LARGE1: variants seen among roughly 807,000 people sequenced by gnomAD.
The protein encoded by LARGE1 is xylosyl- and glucuronyltransferase LARGE1.
In LARGE1, 43 loss-of-function variants were observed where a neutral mutation model predicts 87.6. That is an observed-to-expected ratio of 0.49 (90% CI 0.38 to 0.63). LARGE1 has a LOEUF of 0.63. Ranked by LOEUF, LARGE1 falls within the 30% of genes least tolerant of loss-of-function variation. The pLI is 0.00. For synonymous variants in LARGE1, 434 were observed against 394.6 expected, an observed-to-expected ratio of 1.10 and a Z score of -1.18; for missense variants, 802 against 1,000.2, an observed-to-expected ratio of 0.80 and a Z score of 2.67.
intron 6 of LARGE1, among the ~76,000 whole-genome samples, chr22:33,492,823 C>T (rs2069913216): frequency 2.0e-5 from 3 of 152,108 alleles, no homozygotes; most frequent in Non-Finnish European, 4.4e-5. Flanking sequence ...TATGAAAGGA[C>T]GTCCTGTCCT....
chr22:33,305,349 G>T (rs1313265223), intron 11 of LARGE1, among the ~76,000 whole-genome samples: 2 of 131,494 alleles, frequency 1.5e-5, no homozygotes, highest in African/African-American at 3.4e-5. Context: ...TAGAGCCCAG[G>T]GAAAAAATTA....
chr22:33,550,404 G>C (rs1000954372), intron 6 of LARGE1, among the ~76,000 whole-genome samples: 1 of 152,268 alleles, frequency 6.6e-6, no homozygotes, highest in South Asian at 2.1e-4. Context: ...ATATTTTTGC[G>C]TGTCATAGCT....
chr22:33,540,906 G>A (rs958418041), intron 6 of LARGE1, among the ~76,000 whole-genome samples: 23 of 151,850 alleles, frequency 1.5e-4, no homozygotes, highest in African/African-American at 5.6e-4. Context: ...GGCGGAGGTA[G>A]GCGGATTGCT....
At chr22:33,526,447 T>TTGGA (rs2148540181) in intron 6 of LARGE1, among the ~76,000 whole-genome samples, 1 of 152,376 alleles carries the variant, frequency 6.6e-6, no homozygotes, top group African/African-American at 2.4e-5. Flanking sequence ...AATGCTGGAC[T>TTGGA]TGGAGCCTTT....
chr22:33,530,219 C>A (rs1254625831), intron 6 of LARGE1, among the ~76,000 whole-genome samples: 2 of 152,086 alleles, frequency 1.3e-5, no homozygotes, highest in Non-Finnish European at 2.9e-5. Flanking sequence ...CATCTTGCAA[C>A]TATGAAGTGG....
At chr22:33,490,610 G>C (rs771840600) in intron 6 of LARGE1, among the ~76,000 whole-genome samples, 1 of 152,198 alleles carries the variant, frequency 6.6e-6, no homozygotes, top group Non-Finnish European at 1.5e-5. Context: ...TCTCCAACTA[G>C]AGTCAGATCA....
chr22:33,203,726 T>C (rs1019406571), intron 11 of LARGE1, among the ~76,000 whole-genome samples: 2 of 152,210 alleles, frequency 1.3e-5, no homozygotes, highest in African/African-American at 4.8e-5. Context: ...TTGCTGCCGC[T>C]GCTACCTCTT....
chr22:33,502,499 C>G (rs2070501715), intron 6 of LARGE1, among the ~76,000 whole-genome samples: 2 of 152,150 alleles, frequency 1.3e-5, no homozygotes, highest in South Asian at 4.1e-4. Context: ...GAGTGGAGGC[C>G]TGCCTTTCTC....
At chr22:33,148,543 C>T in the LARGE1 span, among the ~76,000 whole-genome samples, 175 of 152,232 alleles carry the variant, frequency 1.1e-3, no homozygotes, top group African/African-American at 4.1e-3. Context: ...AATATTCATG[C>T]GCAAGTTTTG....
At chr22:33,222,225 G>C (rs1239944958) in intron 11 of LARGE1, among the ~76,000 whole-genome samples, 1 of 152,192 alleles carries the variant, frequency 6.6e-6, no homozygotes, top group African/African-American at 2.4e-5. Context: ...CCACTGCGTA[G>C]GACCTTTCTG....
intron 3 of LARGE1, among the ~76,000 whole-genome samples, chr22:33,634,262 G>A (rs117944636): frequency 0.015 from 2,294 of 152,208 alleles, 30 homozygotes; most frequent in Middle Eastern, 0.024. Context: ...CACCTGGAGG[G>A]GCTTGTTACA....
At chr22:33,478,035 C>G (rs951328960) in intron 6 of LARGE1, among the ~76,000 whole-genome samples, 4 of 152,128 alleles carry the variant, frequency 2.6e-5, no homozygotes, top group Non-Finnish European at 5.9e-5. Flanking sequence ...AAGGTGAGCC[C>G]TATTTCACTC....
At chr22:33,920,917 C>T (rs1043152358), upstream of LARGE1, among the ~76,000 whole-genome samples, 5 of 147,876 alleles carry the variant, frequency 3.4e-5, no homozygotes, top group African/African-American at 1.2e-4. Flanking sequence ...GCGCGGGAAC[C>T]GGCAGGGGCG....
chr22:33,192,356 A>C (rs1369643843), intron 11 of LARGE1, among the ~76,000 whole-genome samples: 1 of 152,190 alleles, frequency 6.6e-6, no homozygotes, highest in African/African-American at 2.4e-5. Context: ...TTTCTTCATA[A>C]TCACCATCCC....
chr22:33,423,679 CA>C (rs57917109), intron 7 of LARGE1, among the ~76,000 whole-genome samples: 719 of 119,258 alleles, frequency 6.0e-3, no homozygotes, highest in African/African-American at 0.017. Context: ...GATTCTGTCT[CA>C]AAAAAAAAAA....
chr22:33,474,769 A>C (rs960640638), intron 6 of LARGE1, among the ~76,000 whole-genome samples: 3 of 152,124 alleles, frequency 2.0e-5, no homozygotes, highest in African/African-American at 7.2e-5. Flanking sequence ...CTTACAGGAA[A>C]ATAAGGAGTG....
intron 1 of LARGE1, among the ~76,000 whole-genome samples, chr22:33,916,669 A>G (rs2065797187): frequency 6.6e-6 from 1 of 152,024 alleles, no homozygotes; most frequent in Non-Finnish European, 1.5e-5. Context: ...CCCCACCCCC[A>G]ATGCAGTATG....
chr22:33,545,053 T>C (rs1180784231), intron 6 of LARGE1, among the ~76,000 whole-genome samples: 2 of 151,946 alleles, frequency 1.3e-5, no homozygotes, highest in African/African-American at 2.4e-5. Context: ...ACACAGTATA[T>C]CATGAGGAAG....
At chr22:33,908,049 G>A (rs770390737) in intron 1 of LARGE1, among the ~76,000 whole-genome samples, 2 of 152,078 alleles carry the variant, frequency 1.3e-5, no homozygotes, top group Non-Finnish European at 2.9e-5. Context: ...TTTAGATTCC[G>A]GAATACTTTG....
Sources: allele counts gnomAD v4.1 joint callset (sites outside exome capture counted in the v4.1 genomes callset), GRCh38; gene constraint gnomAD v4.1.1; transcripts MANE v1.5; gene names NCBI Gene and HGNC (gene_info 2026-07-23, HGNC 2026-07-21).